TULP4: variants seen among roughly 807,000 people sequenced by gnomAD.
TULP4 encodes the protein tubby-related protein 4.
TULP4 carries 16 observed loss-of-function variants against 129.0 expected under a neutral mutation model. That is an observed-to-expected ratio of 0.12 (90% CI 0.08 to 0.19). TULP4 has a LOEUF of 0.19. TULP4 is among the 10% of genes least tolerant of loss of function. TULP4 has a pLI of 1.00. For synonymous variants in TULP4, 998 were observed against 854.0 expected (o/e 1.17, Z -2.94); for missense variants, 1,842 against 2,059.1 (o/e 0.89, Z 2.04).
intron 1 of TULP4, among the ~76,000 whole-genome samples, chr6:158,295,186 A>G (rs1192411993): frequency 7.0e-6 from 1 of 142,532 alleles, no homozygotes; most frequent in East Asian, 2.0e-4. Flanking sequence ...ACTGTCTTAC[A>G]TTGTTATCCT....
intron 1 of TULP4, among the ~76,000 whole-genome samples, chr6:158,304,173 A>G (rs967207258): frequency 1.3e-5 from 2 of 152,186 alleles, no homozygotes; most frequent in Middle Eastern, 3.2e-3. Context: ...TACCTGATAC[A>G]CCATCCTGTC....
At position 158,502,902 on chromosome 6, in the gene TULP4, G is replaced by A. The variant is rs974021455; in HGVS notation, c.3239G>A (p.Arg1080His). The stretch of plus-strand genomic sequence containing the variant: ...AGCCCACCCGACAGCGCCCGCGACC[G>A]CACCGACTACGTCAACTCGGCCTTC... ...LLSPPDSARD[R>H]TDYVNSAFTE... Residue 1080 changes from arginine to histidine, a missense_variant, in exon 13 of 14, where the codon CGC becomes CAC. Arg to His is a conservative substitution (Grantham distance 29). Coordinates refer to ENST00000367097, the MANE Select transcript of TULP4 (RefSeq NM_020245.5). The A allele has an allele frequency of 3.0e-5, 48 of 1,613,814 alleles. No homozygotes were observed. Among genetic ancestry groups the A allele is most frequent in the Middle Eastern group, 1.6e-4 (1 of 6,084 alleles).
chr6:158,401,815 T>C (rs1172894056), intron 1 of TULP4, among the ~76,000 whole-genome samples: 3 of 152,092 alleles, frequency 2.0e-5, no homozygotes, highest in Non-Finnish European at 4.4e-5. Context: ...TCACTTTTTT[T>C]TTTTCATTTT....
upstream of TULP4, among the ~76,000 whole-genome samples, chr6:158,280,891 AGATG>A (rs1263251942): frequency 6.6e-6 from 1 of 152,218 alleles, no homozygotes; most frequent in African/African-American, 2.4e-5. Context: ...ATAAATGGAC[AGATG>A]GATGGATAAA....
At chr6:158,317,793 A>G (rs571844404) in intron 1 of TULP4, among the ~76,000 whole-genome samples, 22 of 152,080 alleles carry the variant, frequency 1.4e-4, no homozygotes, top group Non-Finnish European at 2.9e-4. Flanking sequence ...AAGCGTTACT[A>G]TTTCTCCACA....
At position 158,241,949 on chromosome 6, in the gene TULP4, T is replaced by G. The variant is rs570221330; in HGVS notation, n.68+9646T>G. On this transcript the variant is annotated intron_variant and non_coding_transcript_variant, in intron 1 of 1. Transcript: ENST00000620026. ...TTCTTGGAAAGCTTAAACTCTACTCTTTCCGCATTGGTTAATTTCACTTTC... is the reference window on the plus strand; with the variant it reads ...TTCTTGGAAAGCTTAAACTCTACTCGTTCCGCATTGGTTAATTTCACTTTC... 29 of 865,350 alleles carry G rather than the reference T, an allele frequency of 3.4e-5. No individual in the cohort carries two copies. In the African/African-American group the frequency reaches 4.1e-4, roughly 12 times the overall value. The allele number at this position is 865,350 out of a possible 1,614,324, so 53.6% of individuals were successfully genotyped here. A position where few individuals can be genotyped will look rare whatever the true frequency, so the allele number is the denominator to read the frequency against.
upstream of TULP4, among the ~76,000 whole-genome samples, chr6:158,277,595 T>G (rs1778670155): frequency 6.6e-6 from 1 of 152,180 alleles, no homozygotes; most frequent in Non-Finnish European, 1.5e-5. Flanking sequence ...CCAAAACAAC[T>G]CTTGCCCCAT....
chr6:158,349,324 TG>T (rs1780423463), intron 1 of TULP4, among the ~76,000 whole-genome samples: 1 of 98,770 alleles, frequency 1.0e-5, no homozygotes, highest in African/African-American at 4.0e-5. Context: ...ACATCCCAGA[TG>T]GGGCGGCCGG....
At chr6:158,319,576 T>C (rs1429334985) in intron 1 of TULP4, among the ~76,000 whole-genome samples, 1 of 152,218 alleles carries the variant, frequency 6.6e-6, no homozygotes, top group Non-Finnish European at 1.5e-5. Context: ...GTCTGCTAAT[T>C]TCACAACTGA....
chr6:158,450,972 G>A (rs890829278), intron 4 of TULP4, among the ~76,000 whole-genome samples: 53 of 152,188 alleles, frequency 3.5e-4, no homozygotes, highest in Non-Finnish European at 4.7e-4. Context: ...GGCTGAGGCA[G>A]GAGAATGGCT....
intron 1 of TULP4, among the ~76,000 whole-genome samples, chr6:158,286,764 T>C (rs1183757656): frequency 2.0e-5 from 3 of 152,352 alleles, no homozygotes; most frequent in Middle Eastern, 3.4e-3. Context: ...GACTGCAGTG[T>C]TTTAGATGAC....
At chr6:158,365,886 TTTCTTTTTC>T (rs1780936796) in intron 1 of TULP4, among the ~76,000 whole-genome samples, 1 of 135,562 alleles carries the variant, frequency 7.4e-6, no homozygotes. Context: ...TTTTTTTTTT[TTTCTTTTTC>T]TTTCTTTTTT....
intron 2 of TULP4, among the ~76,000 whole-genome samples, chr6:158,427,470 C>CT (rs1251385882): frequency 3.0e-5 from 3 of 100,676 alleles, no homozygotes; most frequent in Non-Finnish European, 5.8e-5. Flanking sequence ...AATTATCAGA[C>CT]CTTTTTTTTT....
chr6:158,456,709 G>C (rs780422620), intron 5 of TULP4, among the ~76,000 whole-genome samples: 1 of 151,840 alleles, frequency 6.6e-6, no homozygotes, highest in Non-Finnish European at 1.5e-5. Flanking sequence ...TGGCGTGTGC[G>C]TGTAATCCCA....
At chr6:158,488,925 A>G (rs1426393428) in intron 8 of TULP4, among the ~76,000 whole-genome samples, 2 of 152,148 alleles carry the variant, frequency 1.3e-5, no homozygotes, top group Admixed American at 1.3e-4. Context: ...CACTCTGCAC[A>G]TCATCTCACC....
Position 158,452,141 on chromosome 6 carries a change from G to C in TULP4, c.732G>C (p.Pro244=). The C allele has an allele frequency of 6.2e-7, 1 of 1,613,890 alleles. No individual in the cohort carries two copies. The highest frequency in any genetic ancestry group is 1.3e-5 in the African/African-American group (1 of 74,994). The change falls in exon 5 of 14, where the codon CCG becomes CCC. Residue 244 remains proline, a synonymous_variant. Coordinates refer to ENST00000367097, the MANE Select transcript of TULP4 (RefSeq NM_020245.5). The part of the protein sequence containing the change: ...SDDYAPPQDG[P]AAYPIPVQNI... ...GCACTTGTGTTCCTGCAGATGGTCC[G>C]GCAGCATATCCCATCCCAGTGCAGA...
chr6:158,386,193 TACTC>T (rs921103908), intron 1 of TULP4, among the ~76,000 whole-genome samples: 23 of 152,228 alleles, frequency 1.5e-4, no homozygotes, highest in Middle Eastern at 6.8e-3. Context: ...CTAGCTGAGA[TACTC>T]ACCCTAAATT....
intron 6 of TULP4, among the ~76,000 whole-genome samples, chr6:158,469,274 C>CTT (rs567645398): frequency 2.8e-5 from 4 of 142,986 alleles, no homozygotes; most frequent in Non-Finnish European, 3.1e-5. Flanking sequence ...GAAAACAGAC[C>CTT]TTTTTTTTTT....
At chr6:158,298,198 C>T (rs1402545644) in intron 1 of TULP4, among the ~76,000 whole-genome samples, 4 of 152,128 alleles carry the variant, frequency 2.6e-5, no homozygotes, top group East Asian at 1.9e-4. Flanking sequence ...TGTTCTTTTT[C>T]AAGGTGCACT....
Sources: allele counts gnomAD v4.1 joint callset (sites outside exome capture counted in the v4.1 genomes callset), GRCh38; gene constraint gnomAD v4.1.1; transcripts MANE v1.5; gene names NCBI Gene and HGNC (gene_info 2026-07-23, HGNC 2026-07-21).